Variants in ZNF75A observed in about 807,000 individuals in gnomAD.
ZNF75A encodes zinc finger protein 75A.
Under a neutral mutation model 46.3 loss-of-function variants are expected in ZNF75A, and 36 were observed. That is an observed-to-expected ratio of 0.78 (90% CI 0.60 to 1.03). ZNF75A has a LOEUF of 1.03. ZNF75A is among the 50% of genes least tolerant of loss of function. ZNF75A has a pLI of 0.00. For synonymous variants in ZNF75A, 234 were observed against 189.9 expected (o/e 1.23, Z -1.91); for missense variants, 595 against 551.3 (o/e 1.08, Z -0.79).
In ZNF75A at chr16:3,311,851, C is replaced by T. The variant is rs980300765; in HGVS notation, c.507C>T (p.Gly169=). The T allele has an allele frequency of 6.7e-6, 7 of 1,039,070 alleles. No homozygotes were observed. Among genetic ancestry groups the T allele is most frequent in the Admixed American group, 4.2e-5 (1 of 23,720 alleles). The allele number at this position is 1,039,070 out of a possible 1,614,324, so 64.4% of individuals were successfully genotyped here. A position where few individuals can be genotyped will look rare whatever the true frequency, so the allele number is the denominator to read the frequency against. The change falls in exon 3 of 7, where the codon GGC becomes GGT. Residue 169 remains glycine (G), a synonymous_variant. Coordinates refer to ENST00000669516, the MANE Select transcript of ZNF75A (RefSeq NM_001302109.2). Reference sequence around the variant, plus strand: ...AGCCAACAGAGTCCCAACCAGTGGGCGTATCCCAAGATGAAGAATTTTGGA... The same window carrying T: ...AGCCAACAGAGTCCCAACCAGTGGGTGTATCCCAAGATGAAGAATTTTGGA... ...GLKPTESQPV[G]VSQDEEFWNT...
At position 3,316,927 on chromosome 16, in the gene ZNF75A, C is replaced by T; in HGVS notation, c.839C>T (p.Pro280Leu). The T allele has an allele frequency of 6.2e-7, 1 of 1,612,750 alleles. No homozygotes were observed. The highest frequency in any genetic ancestry group is 8.5e-7 in the Non-Finnish European group (1 of 1,179,474). ...TVISLALFVL[P>L]KPKVISCLEQ... Reference sequence around the variant, plus strand: ...CATTTGACAGCATTGTTTGTGCTCCCCAAACCTAAAGTGATCTCCTGTCTA... The same window carrying T: ...CATTTGACAGCATTGTTTGTGCTCCTCAAACCTAAAGTGATCTCCTGTCTA... Residue 280 changes from proline (P) to leucine (L), a missense_variant, in exon 6 of 7, where the codon CCC (proline) becomes CTC (leucine). Coordinates refer to ENST00000669516, the MANE Select transcript of ZNF75A (RefSeq NM_001302109.2).
chr16:3,320,160 C>T (rs1271111182), downstream of ZNF75A, among the ~76,000 whole-genome samples: 1 of 152,144 alleles, frequency 6.6e-6, no homozygotes, highest in Non-Finnish European at 1.5e-5. Flanking sequence ...ATTCTCCTGC[C>T]TCAGCCTCCC....
At position 3,312,608 on chromosome 16, in the gene ZNF75A, G is replaced by A. The variant is rs889414326; in HGVS notation, c.605-69G>A. 2.6e-5 allele frequency: 18 copies of A among 688,516 alleles called. No homozygotes were observed. The African/African-American group carries it at 3.5e-4, about 13-fold the overall frequency. 42.7% of individuals were successfully genotyped at this position (688,516 alleles called of 1,614,324 possible). A position where few individuals can be genotyped will look rare whatever the true frequency, so the allele number is the denominator to read the frequency against. On this transcript the variant is annotated intron_variant, in intron 3 of 6. Coordinates refer to ENST00000669516, the MANE Select transcript of ZNF75A (RefSeq NM_001302109.2). ...ATCTGTACTTAAAAAGTCAGGATCAGTGTTTTAGAAATGAGCTCAGGATGT... is the reference window on the plus strand; with the variant it reads ...ATCTGTACTTAAAAAGTCAGGATCAATGTTTTAGAAATGAGCTCAGGATGT...
At chr16:3,315,008 G>A (rs990079697) in intron 5 of ZNF75A, 2 of 985,044 alleles carry the variant, frequency 2.0e-6, no homozygotes, top group Admixed American at 1.2e-4. Flanking sequence ...GGAGGGTGTA[G>A]GTGGTGTATC....
At chr16:3,315,670 C>T (rs1961154730) in intron 5 of ZNF75A, among the ~76,000 whole-genome samples, 2 of 152,214 alleles carry the variant, frequency 1.3e-5, no homozygotes, top group South Asian at 4.1e-4. Flanking sequence ...CAGTAGCTTT[C>T]TAACAGGTCC....
rs1960465140 is a variant in ZNF75A, at chr16:3,308,598, A to T, written c.170A>T (p.Asp57Val). ...TGGCACTTCCGGAATTTCACCTATGATGAAGCAGGTGGACCCCGTGAGGCT... is the reference window on the plus strand; with the variant it reads ...TGGCACTTCCGGAATTTCACCTATGTTGAAGCAGGTGGACCCCGTGAGGCT... ...SCWHFRNFTY[D>V]EAGGPREAVS... Residue 57 changes from aspartate (D) to valine (V), a missense_variant, in exon 2 of 7, where the codon GAT (aspartate) becomes GTT (valine). Coordinates refer to ENST00000669516, the MANE Select transcript of ZNF75A (RefSeq NM_001302109.2). 4.1e-6 allele frequency: 4 copies of T among 985,992 alleles called. No homozygotes were observed. Among genetic ancestry groups the T allele is most frequent in the Non-Finnish European group, 4.8e-6 (4 of 830,016 alleles). The allele number at this position is 985,992 out of a possible 1,614,324, so 61.1% of individuals were successfully genotyped here.
At chr16:3,320,119 C>T (rs1359230851), downstream of ZNF75A, among the ~76,000 whole-genome samples, 1 of 151,972 alleles carries the variant, frequency 6.6e-6, no homozygotes, top group Non-Finnish European at 1.5e-5. Context: ...AATGTCAGCT[C>T]ACTGCAAGCT....
Position 3,317,804 on chromosome 16 carries a change from A to G in ZNF75A, c.1549A>G (p.Ser517Gly). 6.2e-7 allele frequency: 1 copy of G among 1,614,082 alleles called. No homozygotes were observed. Among genetic ancestry groups the G allele is most frequent in the Non-Finnish European group, 8.5e-7 (1 of 1,179,970 alleles). Reference protein sequence around the residue: ...THTGEQPYTCSICRRNFSRRS... With the variant: ...THTGEQPYTCGICRRNFSRRS... ...CACAGGTGAGCAGCCATATACTTGT[A>G]GCATATGCAGGAGAAACTTCAGCAG... The change falls in exon 7 of 7, where the codon AGC becomes GGC. Residue 517 changes from serine to glycine, a missense_variant. Coordinates refer to ENST00000669516, the MANE Select transcript of ZNF75A (RefSeq NM_001302109.2).
rs1960466131 is a variant in ZNF75A at position 3,308,610 on chromosome 16, G to A, written c.182G>A (p.Gly61Glu). The A allele has an allele frequency of 1.0e-6, 1 of 986,216 alleles. No individual in the cohort carries two copies. Among genetic ancestry groups the A allele is most frequent in the Middle Eastern group, 5.2e-4 (1 of 1,916 alleles). The allele number at this position is 986,216 out of a possible 1,614,324, so 61.1% of individuals were successfully genotyped here. A position where few individuals can be genotyped will look rare whatever the true frequency, so the allele number is the denominator to read the frequency against. The stretch of plus-strand genomic sequence containing the variant: ...AATTTCACCTATGATGAAGCAGGTG[G>A]ACCCCGTGAGGCTGTCAGCAAACTT... ...FRNFTYDEAG[G>E]PREAVSKLQE... is the part of the protein sequence containing the mutation. Residue 61 changes from glycine to glutamate, a missense_variant, in exon 2 of 7, where the codon GGA (glycine) becomes GAA (glutamate). By Grantham distance (98) the Gly-to-Glu change is moderately conservative (BLOSUM62 -2). Transcript: ENST00000669516.
downstream of ZNF75A, chr16:3,318,962 G>T (rs1567275261): frequency 3.7e-6 from 2 of 540,266 alleles, no homozygotes; most frequent in Non-Finnish European, 4.7e-6. Flanking sequence ...GCAGCCTCAG[G>T]TGATAAATTT....
chr16:3,316,212 A>G (rs1353194262), intron 5 of ZNF75A: 2 of 152,204 alleles, frequency 1.3e-5, no homozygotes, highest in Non-Finnish European at 2.9e-5. Context: ...AGTCCGTGAA[A>G]TCAGGGGTCT....
downstream of ZNF75A, among the ~76,000 whole-genome samples, chr16:3,319,793 T>TTA (rs1555466201): frequency 0.042 from 5,029 of 118,452 alleles, 310 homozygotes; most frequent in African/African-American, 0.12. Context: ...ATTTTTTTTT[T>TTA]TTTATTTTTT....
chr16:3,317,697 C>A lies in ZNF75A; in HGVS notation c.1442C>A (p.Thr481Lys). The change falls in exon 7 of 7, where the codon ACA (threonine) becomes AAA (lysine). Residue 481 changes from threonine to lysine, a missense_variant. Thr to Lys is a moderately conservative substitution (Grantham distance 78, BLOSUM62 -1). Coordinates refer to ENST00000669516, the MANE Select transcript of ZNF75A (RefSeq NM_001302109.2). ...TTACATACACACCAAAGAACTCATA[C>A]AGGAGAAAAGCCCTTCACATGTCAT... is the stretch of plus-strand genomic sequence containing the variant. ...TNLHTHQRTH[T>K]GEKPFTCHEC... The A allele has an allele frequency of 4.3e-6, 7 of 1,614,198 alleles. No individual in the cohort carries two copies. Among genetic ancestry groups the A allele is most frequent in the Non-Finnish European group, 5.9e-6 (7 of 1,180,046 alleles).
intron 1 of ZNF75A, chr16:3,307,014 C>T (rs1432104096): frequency 6.6e-6 from 1 of 151,050 alleles, no homozygotes; most frequent in Non-Finnish European, 1.5e-5. Context: ...TGCCGTGGCA[C>T]AGTCTGAGCT....
intron 5 of ZNF75A, among the ~76,000 whole-genome samples, chr16:3,313,668 C>T (rs1055529324): frequency 1.3e-5 from 2 of 152,228 alleles, no homozygotes; most frequent in African/African-American, 4.8e-5. Context: ...ACAGGTGCGC[C>T]TGCATCTCCT....
In ZNF75A at chr16:3,316,990, A is replaced by C; in HGVS notation, c.902A>C (p.Glu301Ala). The C allele has an allele frequency of 6.2e-7, 1 of 1,614,038 alleles. No homozygotes were observed. The highest frequency in any genetic ancestry group is 8.5e-7 in the Non-Finnish European group (1 of 1,179,976). Residue 301 changes from glutamate (E) to alanine (A), a missense_variant, in exon 6 of 7, where the codon GAG (glutamate) becomes GCG (alanine). Physicochemically the swap from Glu to Ala is moderately radical, Grantham distance 107 (BLOSUM62 -1). Coordinates refer to ENST00000669516, the MANE Select transcript of ZNF75A (RefSeq NM_001302109.2). The part of the protein sequence containing the change: ...GEEPWVQVSP[E>A]FKDSAGKSPT... ...GAGCCATGGGTTCAAGTATCCCCGG[A>C]GTTTAAGGATAGTGCCGGAAAATCT...
In ZNF75A at chr16:3,318,103, C is replaced by T. The variant is rs1223650502; in HGVS notation, c.*234C>T. 2.3e-6 allele frequency: 3 copies of T among 1,282,108 alleles called. No homozygotes were observed. The highest frequency in any genetic ancestry group is 3.8e-5 in the Admixed American group (1 of 26,518). The allele number at this position is 1,282,108 out of a possible 1,614,324, so 79.4% of individuals were successfully genotyped here. A position where few individuals can be genotyped will look rare whatever the true frequency, so the allele number is the denominator to read the frequency against. On this transcript the variant is annotated 3_prime_UTR_variant, in exon 7 of 7. Coordinates refer to ENST00000669516, the MANE Select transcript of ZNF75A (RefSeq NM_001302109.2). Reference sequence around the variant, plus strand: ...ATTGATCTCTCCAGTCATTTTTGAACACATCCAATAGAAACATTGGCAGCA... The same window carrying T: ...ATTGATCTCTCCAGTCATTTTTGAATACATCCAATAGAAACATTGGCAGCA...
At chr16:3,312,434 G>C (rs932004956) in intron 3 of ZNF75A, 1 of 152,158 alleles carries the variant, frequency 6.6e-6, no homozygotes, top group African/African-American at 2.4e-5. Context: ...AAATATGAGA[G>C]GAAAAAGGGA....
At chr16:3,311,298 C>A (rs374726214) in intron 2 of ZNF75A, among the ~76,000 whole-genome samples, 1 of 151,972 alleles carries the variant, frequency 6.6e-6, no homozygotes, top group Non-Finnish European at 1.5e-5. Flanking sequence ...ATTAGCCAGG[C>A]GTGGTGGTGC....
Sources: gnomAD v4.1 joint callset for allele counts (sites outside exome capture counted in the v4.1 genomes callset) on GRCh38, gnomAD v4.1.1 for gene constraint, MANE v1.5 for transcripts, NCBI Gene and HGNC (gene_info 2026-07-23, HGNC 2026-07-21) for gene names.